CDO1: variants seen among roughly 807,000 people sequenced by gnomAD.
CDO1 encodes the protein cysteine dioxygenase type 1, also known as cysteine dioxygenase, type I.
In CDO1, 19 loss-of-function variants were observed where a neutral mutation model predicts 24.5. That is an observed-to-expected ratio of 0.77 (90% CI 0.54 to 1.14). The LOEUF (loss-of-function observed/expected upper bound fraction) is 1.14. CDO1 is among the 50% of genes most tolerant of loss of function. The pLI, the probability that CDO1 is intolerant of heterozygous loss-of-function variation, is 0.00. For missense variants in CDO1, 244 were observed against 244.8 expected (o/e 1.00, Z 0.02); for synonymous variants, 91 against 87.0 (o/e 1.05, Z -0.26).
chr5:115,816,116 A>C, intron 1 of CDO1, 112 bp downstream of exon 1: 5 of 861,168 alleles, frequency 5.8e-6, no homozygotes, highest in Non-Finnish European at 6.5e-6. Flanking sequence ...CGGCGGACGC[A>C]GCGCGGCCCG....
chr5:115,805,587 GT>G (rs937176209), intron 4 of CDO1, 125 bp from the exon 5 acceptor site: 14 of 765,264 alleles, frequency 1.8e-5, no homozygotes, highest in Non-Finnish European at 3.0e-5. Context: ...GAGCCTTGTT[GT>G]TTTTCCCGCA....
Position 115,808,486 on chromosome 5 carries a change from T to C in CDO1, c.404-1968A>G, listed in dbSNP as rs189115340. On this transcript the variant is annotated intron_variant, in intron 3 of 4. Transcript: ENST00000250535. The stretch of plus-strand genomic sequence containing the variant: ...CCTTTCTTGTGGAGCCATTGGAGCA[T>C]ATGCTCCACCAAAACAAGGGCATCA... Among the ~76,000 whole-genome samples the C allele has an allele frequency of 2.4e-3, 360 of 152,118 alleles. 3 individuals are homozygous for C. The highest frequency in any genetic ancestry group is 8.3e-3 in the African/African-American group (343 of 41,474).
chr5:115,815,774 C>A (rs905028866), intron 1 of CDO1, among the ~76,000 whole-genome samples: 1 of 152,198 alleles, frequency 6.6e-6, no homozygotes, highest in Non-Finnish European at 1.5e-5. Context: ...TCTGCTAGTC[C>A]GGCCAGACGG....
chr5:115,816,493 C>G lies in CDO1; in HGVS notation c.-96G>C. 7.7e-7 allele frequency: 1 copy of G among 1,301,876 alleles called. No individual in the cohort carries two copies. The highest frequency in any genetic ancestry group is 1.4e-5 in the African/African-American group (1 of 69,154). The allele number at this position is 1,301,876 out of a possible 1,614,324, so 80.6% of individuals were successfully genotyped here. The stretch of plus-strand genomic sequence containing the variant: ...CTGGGGGCGAGGGAGCCTAACAGCC[C>G]GCTAGACCGCTAAGCAGACACACAC... On this transcript the variant is annotated 5_prime_UTR_variant, in exon 1 of 5. Coordinates refer to ENST00000250535, the MANE Select transcript of CDO1 (RefSeq NM_001801.3).
chr5:115,814,089 A>AT (rs369096678), intron 1 of CDO1: 1 of 151,596 alleles, frequency 6.6e-6, no homozygotes, highest in Non-Finnish European at 1.5e-5. Flanking sequence ...TCTTTACTCC[A>AT]TTTTTTGGGA....
At position 115,811,122 on chromosome 5, in the gene CDO1, T is replaced by A. The variant is rs370248836; in HGVS notation, c.403+39A>T. ...CAATATTTCAGACAAAAGGTCATGG[T>A]TCTTCCCACTTGCCCTTAGAAAAAG... is the stretch of plus-strand genomic sequence containing the variant. On this transcript the variant is annotated intron_variant, in intron 3 of 4. Coordinates refer to ENST00000250535, the MANE Select transcript of CDO1 (RefSeq NM_001801.3). 24 of 1,584,576 alleles carry A rather than the reference T, an allele frequency of 1.5e-5. No individual in the cohort carries two copies. In the African/African-American group the frequency reaches 2.8e-4, roughly 19 times the overall value.
intron 3 of CDO1, among the ~76,000 whole-genome samples, chr5:115,808,601 T>C (rs1207273643): frequency 6.6e-6 from 1 of 152,056 alleles, no homozygotes; most frequent in African/African-American, 2.4e-5. Context: ...ATGTAAGCCT[T>C]ACATTGTAAG....
rs1488028432 is a variant in CDO1 at position 115,804,875 on chromosome 5, C to T, written c.*558G>A. On this transcript the variant is annotated 3_prime_UTR_variant, in exon 5 of 5. Coordinates refer to ENST00000250535, the MANE Select transcript of CDO1 (RefSeq NM_001801.3). ...CATGTACTTTTCTAAATCCTCTGCA[C>T]TTCCTTTCATTAACAAATGGCAGAG... The T allele has an allele frequency of 6.6e-6, 1 of 152,208 alleles. No homozygotes were observed. The highest frequency in any genetic ancestry group is 1.5e-5 in the Non-Finnish European group (1 of 68,066). The allele number at this position is 152,208 out of a possible 1,614,324, so 9.4% of individuals were successfully genotyped here.
chr5:115,806,307 C>A (rs1322428556), intron 4 of CDO1, 42 bp downstream of exon 4: 3 of 1,456,834 alleles, frequency 2.1e-6, no homozygotes, highest in Non-Finnish European at 2.8e-6. Flanking sequence ...TGTAACAGTG[C>A]CAACCTACAG....
At position 115,816,548 on chromosome 5, in the gene CDO1, G is replaced by T; in HGVS notation, c.-151C>A. 1 of 822,850 alleles carries T rather than the reference G, an allele frequency of 1.2e-6. No individual in the cohort carries two copies. The allele number at this position is 822,850 out of a possible 1,614,324, so 51.0% of individuals were successfully genotyped here. A position where few individuals can be genotyped will look rare whatever the true frequency, so the allele number is the denominator to read the frequency against. On this transcript the variant is annotated 5_prime_UTR_variant, in exon 1 of 5. Coordinates refer to ENST00000250535, the MANE Select transcript of CDO1 (RefSeq NM_001801.3). ...AAACCCAGCATTAGAGTGCCGAAACGTAAGGATGTCGTCGCAGAGACAGCA... is the reference window on the plus strand; with the variant it reads ...AAACCCAGCATTAGAGTGCCGAAACTTAAGGATGTCGTCGCAGAGACAGCA...
chr5:115,805,454 C>T lies in CDO1; in HGVS notation c.582G>A (p.Ser194=), dbSNP rs34916121. ...KFGIRTPNAT[S]GSLENN Reference sequence around the variant, plus strand: ...CCCCTTAGTTGTTCTCCAGCGAGCCCGAAGTTGCCTGTAAAAAAGGGAAAA... The same window carrying T: ...CCCCTTAGTTGTTCTCCAGCGAGCCTGAAGTTGCCTGTAAAAAAGGGAAAA... Residue 194 remains serine, a synonymous_variant, in exon 5 of 5, where the codon TCG becomes TCA. Coordinates refer to ENST00000250535, the MANE Select transcript of CDO1 (RefSeq NM_001801.3). 12,095 of 1,613,552 alleles carry T rather than the reference C, an allele frequency of 7.5e-3. 874 individuals are homozygous for T. The African/African-American group carries it at 0.14, about 19-fold the overall frequency.
rs1246658967 is a variant in CDO1 at position 115,805,458 on chromosome 5, G to A, written c.578C>T (p.Thr193Ile). 1 of 1,613,736 alleles carries A rather than the reference G, an allele frequency of 6.2e-7. No homozygotes were observed. The highest frequency in any genetic ancestry group is 8.5e-7 in the Non-Finnish European group (1 of 1,179,880). The change falls in exon 5 of 5, where the codon ACT (threonine) becomes ATT (isoleucine). Residue 193 changes from threonine (T) to isoleucine (I), a missense_variant. Thr to Ile is a moderately conservative substitution (Grantham distance 89, BLOSUM62 -1). Transcript: ENST00000250535. ...TTAGTTGTTCTCCAGCGAGCCCGAA[G>A]TTGCCTGTAAAAAAGGGAAAAAAAG... ...SKFGIRTPNA[T>I]SGSLENN
intron 3 of CDO1, 100 bp from the exon 4 acceptor site, chr5:115,806,618 G>T: frequency 1.2e-6 from 1 of 825,284 alleles, no homozygotes; most frequent in Non-Finnish European, 1.9e-6. Flanking sequence ...CAATTGTGAT[G>T]CAAATGGAAT....
rs748982944 is a variant in CDO1 at position 115,811,229 on chromosome 5, T to C, written c.335A>G (p.Lys112Arg). ...LKETLFAWPDKKSNEMVKKSE... is the reference protein window; with the variant it reads ...LKETLFAWPDRKSNEMVKKSE... ...CTTCTTGACCATCTCATTGGATTTT[T>C]TGTCAGGCCAGGCAAATAATGTCTC... Residue 112 changes from lysine (K) to arginine (R), a missense_variant, in exon 3 of 5, where the codon AAA (lysine) becomes AGA (arginine). Physicochemically the swap from Lys to Arg is conservative, Grantham distance 26 (BLOSUM62 2). Coordinates refer to ENST00000250535, the MANE Select transcript of CDO1 (RefSeq NM_001801.3). 2.9e-5 allele frequency: 47 copies of C among 1,613,720 alleles called. No individual in the cohort carries two copies. The highest frequency in any genetic ancestry group is 3.2e-5 in the Non-Finnish European group (38 of 1,179,772).
intron 3 of CDO1, among the ~76,000 whole-genome samples, chr5:115,808,435 G>T (rs537625173): frequency 6.6e-6 from 1 of 152,028 alleles, no homozygotes; most frequent in Non-Finnish European, 1.5e-5. Context: ...AATATATGGG[G>T]TCTCAAAAAT....
chr5:115,806,540 A>G (rs1266310076), intron 3 of CDO1, 22 bp from the exon 4 acceptor site: 1 of 1,589,234 alleles, frequency 6.3e-7, no homozygotes, highest in Non-Finnish European at 8.6e-7. Flanking sequence ...CCGGGAAGGA[A>G]AAATAGATAA....
rs940710718 is a variant in CDO1 at position 115,816,134 on chromosome 5, C to G, written c.170+94G>C. ...CGGACGCAGCGCGGCCCGAGCTTCC[C>G]GAGCCAGTCACTTTGGGCTGCGTCC... On this transcript the variant is annotated intron_variant, in intron 1 of 4. Coordinates refer to ENST00000250535, the MANE Select transcript of CDO1 (RefSeq NM_001801.3). The G allele has an allele frequency of 3.1e-5, 42 of 1,352,688 alleles. No homozygotes were observed. In the Admixed American group the frequency reaches 5.9e-4, roughly 19 times the overall value. The allele number at this position is 1,352,688 out of a possible 1,614,324, so 83.8% of individuals were successfully genotyped here.
Position 115,813,260 on chromosome 5 carries a change from TA to T in CDO1, c.171-3del, listed in dbSNP as rs571899483. On this transcript the variant is annotated splice_polypyrimidine_tract_variant and splice_region_variant and intron_variant, in intron 1 of 4. Transcript: ENST00000250535. The stretch of plus-strand genomic sequence containing the variant: ...TGATCCACAAGATTTCGGGTATACC[TA>T]AAAAAAAACAATATATTCAGAAGTT... 1.4e-4 allele frequency: 216 copies of T among 1,503,256 alleles called. No individual in the cohort carries two copies. The highest frequency in any genetic ancestry group is 2.2e-4 in the Admixed American group (13 of 57,836). The allele number at this position is 1,503,256 out of a possible 1,614,324, so 93.1% of individuals were successfully genotyped here.
intron 2 of CDO1, among the ~76,000 whole-genome samples, chr5:115,812,946 C>A (rs1373868632): frequency 6.8e-5 from 10 of 147,542 alleles, no homozygotes; most frequent in Non-Finnish European, 1.5e-4. Context: ...ACTCAGGAGG[C>A]TAAGGCAGGA....
Sources: allele counts gnomAD v4.1 joint callset (sites outside exome capture counted in the v4.1 genomes callset), GRCh38; gene constraint gnomAD v4.1.1; transcripts MANE v1.5; gene names NCBI Gene and HGNC (gene_info 2026-07-23, HGNC 2026-07-21).